The following MICAL2 variants were observed in gnomAD, a reference collection of about 807,000 sequenced individuals.
MICAL2 encodes the protein microtubule associated monooxygenase, calponin and LIM domain containing 2, also known as [F-actin]-monooxygenase MICAL2.
In MICAL2, 77 loss-of-function variants were observed where a neutral mutation model predicts 127.3. That is an observed-to-expected ratio of 0.60 (90% CI 0.50 to 0.73). The LOEUF (loss-of-function observed/expected upper bound fraction) is 0.73. MICAL2 is among the 30% of genes least tolerant of loss of function. MICAL2 has a pLI of 0.00. For missense variants in MICAL2, 1,351 were observed against 1,434.4 expected (o/e 0.94, Z 0.94); for synonymous variants, 570 against 551.1 (o/e 1.03, Z -0.48).
chr11:12,183,663 C>T (rs1289579860), intron 3 of MICAL2, among the ~76,000 whole-genome samples: 3 of 152,174 alleles, frequency 2.0e-5, no homozygotes, highest in African/African-American at 7.2e-5. Context: ...ACATAGACTA[C>T]CCTTGAAGCT....
At chr11:12,343,177 G>A (rs1938897537) in intron 32 of MICAL2, among the ~76,000 whole-genome samples, 1 of 152,106 alleles carries the variant, frequency 6.6e-6, no homozygotes, top group Non-Finnish European at 1.5e-5. Context: ...GGAGGCTGAG[G>A]TGGGCGGATC....
upstream of MICAL2, chr11:12,274,291 A>G (rs1863702726): frequency 6.6e-6 from 1 of 152,146 alleles, no homozygotes; most frequent in Non-Finnish European, 1.5e-5. Context: ...GGGCGCATTC[A>G]CTCATGAACT....
At chr11:12,287,257 G>C (rs191892218) in exon 3 of MICAL2, 31 of 397,548 alleles carry the variant, frequency 7.8e-5, no homozygotes, top group African/African-American at 5.5e-4. Flanking sequence ...TCCTTACATG[G>C]TATCTCTCTG....
At chr11:12,309,899 T>C (rs905118933) in intron 29 of MICAL2, among the ~76,000 whole-genome samples, 2 of 152,212 alleles carry the variant, frequency 1.3e-5, no homozygotes, top group African/African-American at 4.8e-5. Flanking sequence ...TATCTCATTG[T>C]GGTTCGGATT....
At chr11:12,127,292 AT>A (rs1851008895) in intron 1 of MICAL2, among the ~76,000 whole-genome samples, 1 of 152,146 alleles carries the variant, frequency 6.6e-6, no homozygotes, top group African/African-American at 2.4e-5. Context: ...CTTCTTAGGC[AT>A]TTTACATGTC....
intron 15 of MICAL2, among the ~76,000 whole-genome samples, chr11:12,228,110 C>T (rs535530435): frequency 2.2e-4 from 34 of 152,280 alleles, no homozygotes; most frequent in Middle Eastern, 3.4e-3. Context: ...AGGCAGATCA[C>T]CTGAGGTCAG....
chr11:12,335,709 G>T (rs1590742825), intron 32 of MICAL2, among the ~76,000 whole-genome samples: 1 of 152,240 alleles, frequency 6.6e-6, no homozygotes, highest in East Asian at 1.9e-4. Flanking sequence ...ATTAAATAGG[G>T]AATCCTTTCC....
At chr11:12,161,785 G>T (rs1854830836) in intron 2 of MICAL2, 3 of 252,600 alleles carry the variant, frequency 1.2e-5, no homozygotes, top group Admixed American at 1.0e-4. Flanking sequence ...CTTAGAGCAA[G>T]ATTGACTAGG....
At chr11:12,294,738 G>C (rs201152752), downstream of MICAL2, 4 of 1,613,392 alleles carry the variant, frequency 2.5e-6, no homozygotes, top group African/African-American at 5.4e-5. Flanking sequence ...CCTGAAGATA[G>C]TGCGCAGGCC....
intron 21 of MICAL2, among the ~76,000 whole-genome samples, chr11:12,246,897 A>G (rs1432095491): frequency 6.6e-6 from 1 of 152,248 alleles, no homozygotes; most frequent in Non-Finnish European, 1.5e-5. Context: ...AACAATCAAT[A>G]TATCAGTAAA....
intron 2 of MICAL2, among the ~76,000 whole-genome samples, chr11:12,145,009 C>T (rs1173742110): frequency 6.6e-6 from 1 of 152,156 alleles, no homozygotes; most frequent in Non-Finnish European, 1.5e-5. Flanking sequence ...GCATATTTTC[C>T]GTGGGCAGAG....
At chr11:12,160,320 G>C (rs1011264930) in intron 2 of MICAL2, among the ~76,000 whole-genome samples, 1 of 152,032 alleles carries the variant, frequency 6.6e-6, no homozygotes. Flanking sequence ...CAGCCCCTTA[G>C]CTGCCTCCTT....
chr11:12,242,503 A>G, intron 19 of MICAL2, 71 bp downstream of exon 19: 1 of 1,516,668 alleles, frequency 6.6e-7, no homozygotes, highest in Non-Finnish European at 9.0e-7. Flanking sequence ...CCCTCCTCCT[A>G]CCCGGGTGGG....
intron 3 of MICAL2, among the ~76,000 whole-genome samples, chr11:12,185,325 C>A (rs1858089083): frequency 6.6e-6 from 1 of 152,058 alleles, no homozygotes; most frequent in Non-Finnish European, 1.5e-5. Flanking sequence ...ATAAGCACTG[C>A]TGGGATAAAA....
Position 12,162,434 on chromosome 11 carries a change from T to G in MICAL2, c.264+15T>G. ...CGAACACCAAGGTAAGGGGAAACCC[T>G]CCTAGTCTTACCTTTGCAGGGCGTG... On this transcript the variant is annotated intron_variant, in intron 3 of 27. Transcript: ENST00000683283. The G allele has an allele frequency of 6.2e-7, 1 of 1,613,232 alleles. No individual in the cohort carries two copies. The highest frequency in any genetic ancestry group is 1.1e-5 in the South Asian group (1 of 91,044).
At chr11:12,245,797 T>C in intron 21 of MICAL2, among the ~76,000 whole-genome samples, 1 of 152,150 alleles carries the variant, frequency 6.6e-6, no homozygotes. Flanking sequence ...GGTTGCAGGG[T>C]AGGCTTTTTG....
intron 30 of MICAL2, among the ~76,000 whole-genome samples, chr11:12,321,510 A>G (rs1201860345): frequency 6.6e-5 from 10 of 152,132 alleles, no homozygotes; most frequent in Admixed American, 6.5e-4. Context: ...CTAAGAGACT[A>G]AGGCAGGAAG....
At chr11:12,344,214 T>C (rs1274536577) in intron 32 of MICAL2, among the ~76,000 whole-genome samples, 1 of 152,044 alleles carries the variant, frequency 6.6e-6, no homozygotes, top group Non-Finnish European at 1.5e-5. Flanking sequence ...GAGAATCTCT[T>C]GAACCGGGGA....
At chr11:12,198,715 G>GAC (rs985179891) in intron 3 of MICAL2, among the ~76,000 whole-genome samples, 35 of 152,294 alleles carry the variant, frequency 2.3e-4, no homozygotes, top group African/African-American at 8.4e-4. Context: ...CACCATGCAT[G>GAC]ACCTCCCCCA....
Sources: gnomAD v4.1 joint callset for allele counts (sites outside exome capture counted in the v4.1 genomes callset) on GRCh38, gnomAD v4.1.1 for gene constraint, MANE v1.5 for transcripts, NCBI Gene and HGNC (gene_info 2026-07-23, HGNC 2026-07-21) for gene names.